The following EFR3B variants were observed in gnomAD, a reference collection of about 807,000 sequenced individuals.
The protein encoded by EFR3B is EFR3 homolog B, also known as protein EFR3 homolog B.
In EFR3B, 64 loss-of-function variants were observed where a neutral mutation model predicts 104.7. That is an observed-to-expected ratio of 0.61 (90% CI 0.50 to 0.75). The LOEUF (loss-of-function observed/expected upper bound fraction) is 0.75, where lower values mean the gene tolerates loss of function less well. EFR3B is among the 30% of genes least tolerant of loss of function. EFR3B has a pLI of 0.00. For synonymous variants in EFR3B, 385 were observed against 417.9 expected, an observed-to-expected ratio of 0.92 and a Z score of 0.96; for missense variants, 750 against 1,078.5, an observed-to-expected ratio of 0.70 and a Z score of 4.27.
In EFR3B at chr2:25,158,749, C is replaced by G. The variant is rs1350719393; in HGVS notation, c.*4409C>G. 6.6e-6 allele frequency: 1 copy of G among 152,316 alleles called. No homozygotes were observed. The highest frequency in any genetic ancestry group is 6.5e-5 in the Admixed American group (1 of 15,282). 9.4% of individuals were successfully genotyped at this position (152,316 alleles called of 1,614,324 possible). A position where few individuals can be genotyped will look rare whatever the true frequency, so the allele number is the denominator to read the frequency against. ...ACCTTCCCCTTCCAAGCTCTCCCCC[C>G]ATGACTGTTGATTTCTGGCGCGTGG... On this transcript the variant is annotated 3_prime_UTR_variant, in exon 23 of 23. Transcript: ENST00000403714.
At chr2:25,109,983 C>T (rs1310499775) in intron 4 of EFR3B, among the ~76,000 whole-genome samples, 1 of 152,176 alleles carries the variant, frequency 6.6e-6, no homozygotes, top group African/African-American at 2.4e-5. Flanking sequence ...CAAAGCGAGT[C>T]ACCCAGCAGG....
chr2:25,133,084 A>T, intron 11 of EFR3B, 70 bp downstream of exon 11: 1 of 1,375,758 alleles, frequency 7.3e-7, no homozygotes, highest in Non-Finnish European at 1.0e-6. Flanking sequence ...CCCCTCCTTT[A>T]TCCCTCTTAA....
At chr2:25,066,937 C>A (rs1668351731) in intron 1 of EFR3B, among the ~76,000 whole-genome samples, 1 of 152,176 alleles carries the variant, frequency 6.6e-6, no homozygotes, top group African/African-American at 2.4e-5. Flanking sequence ...TTAAAGACAA[C>A]TTTTGCTCAT....
At chr2:25,146,171 C>T (rs1561289) in intron 19 of EFR3B, 46,188 of 149,590 alleles carry the variant, frequency 0.31, 7,702 homozygotes, top group African/African-American at 0.41. Context: ...GACAGAAAGA[C>T]TTACATGGTC....
rs1321860417 is a variant in EFR3B at position 25,082,995 on chromosome 2, A to G, written c.8-8330A>G. Among the ~76,000 whole-genome samples, 5 of 152,220 alleles carry G rather than the reference A, an allele frequency of 3.3e-5. No homozygotes were observed. In the East Asian group the frequency reaches 5.8e-4, roughly 18 times the overall value. On this transcript the variant is annotated intron_variant, in intron 1 of 22. Coordinates refer to ENST00000403714, the MANE Select transcript of EFR3B (RefSeq NM_014971.2). ...CAGGGGGTTTGGGGCAAAATGAGCCATCGAGGGAGGTCTCACCATTCTCAT... is the reference window on the plus strand; with the variant it reads ...CAGGGGGTTTGGGGCAAAATGAGCCGTCGAGGGAGGTCTCACCATTCTCAT...
At position 25,133,043 on chromosome 2, in the gene EFR3B, GTCC is replaced by G. The variant is rs781761617; in HGVS notation, c.1259+35_1259+37del. The stretch of plus-strand genomic sequence containing the variant: ...AGCCACCAATCTCCCCCAGCCTGGA[GTCC>G]TCCTCTCCCCCAGCTGCATTTTCTG... On this transcript the variant is annotated intron_variant, in intron 11 of 22. Transcript: ENST00000403714. The G allele has an allele frequency of 4.6e-5, 70 of 1,534,304 alleles. No individual in the cohort carries two copies. In the Middle Eastern group the frequency reaches 6.7e-4, roughly 15 times the overall value.
chr2:25,058,892 C>A (rs1668102093), intron 1 of EFR3B, among the ~76,000 whole-genome samples: 1 of 151,960 alleles, frequency 6.6e-6, no homozygotes. Flanking sequence ...ATGGTGACTC[C>A]TCAGAGAGGG....
At chr2:25,127,147 G>C (rs142956326) in intron 5 of EFR3B, among the ~76,000 whole-genome samples, 2 of 130,348 alleles carry the variant, frequency 1.5e-5, no homozygotes, top group African/African-American at 6.0e-5. Context: ...AGCCAAGATC[G>C]CACCATTGCA....
At chr2:25,144,928 G>A (rs1328375520) in intron 18 of EFR3B, 32 bp from the exon 19 acceptor site, 1 of 1,546,200 alleles carries the variant, frequency 6.5e-7, no homozygotes, top group Non-Finnish European at 8.8e-7. Context: ...TGAGGGCTGG[G>A]AACTAAAGCC....
intron 19 of EFR3B, chr2:25,147,563 C>T (rs150972890): frequency 3.9e-5 from 6 of 152,350 alleles, no homozygotes; most frequent in African/African-American, 9.6e-5. Flanking sequence ...CACGCAACCA[C>T]GCCTGGATGA....
Position 25,154,198 on chromosome 2 carries a change from T to C in EFR3B, c.2349-37T>C, listed in dbSNP as rs1363120320. ...CAAGGGTGGGATCCTAAAATTCTCT[T>C]TTCATGCCTTTCTCCCCATGTGTTC... is the stretch of plus-strand genomic sequence containing the variant. On this transcript the variant is annotated intron_variant, in intron 22 of 22. Transcript: ENST00000403714. The surrounding 1 kb of genome is among the most constrained non-coding windows in gnomAD (Gnocchi z 4.1). 6.5e-7 allele frequency: 1 copy of C among 1,542,162 alleles called. No individual in the cohort carries two copies. The highest frequency in any genetic ancestry group is 1.4e-5 in the African/African-American group (1 of 72,782).
chr2:25,130,200 G>T lies in EFR3B; in HGVS notation c.770+91G>T. 1 of 1,521,822 alleles carries T rather than the reference G, an allele frequency of 6.6e-7. No homozygotes were observed. The highest frequency in any genetic ancestry group is 1.2e-5 in the South Asian group (1 of 81,842). 94.3% of individuals were successfully genotyped at this position (1,521,822 alleles called of 1,614,324 possible). A position where few individuals can be genotyped will look rare whatever the true frequency, so the allele number is the denominator to read the frequency against. On this transcript the variant is annotated intron_variant, in intron 7 of 22. Transcript: ENST00000403714. The surrounding 1 kb of genome is among the most constrained non-coding windows in gnomAD (Gnocchi z 4.6). ...TCTCCTGGCTGGCTGGGGGGAAGGG[G>T]ATATTACAGTTGTGGTGCCGCAGCC...
chr2:25,131,889 G>A lies in EFR3B; in HGVS notation c.1125G>A (p.Gln375=), dbSNP rs1670347942. 1.9e-6 allele frequency: 3 copies of A among 1,541,174 alleles called. No individual in the cohort carries two copies. The East Asian group carries it at 7.4e-5, about 38-fold the overall frequency. The change falls in exon 10 of 23, where the codon CAG becomes CAA. Residue 375 remains glutamine (Q), a synonymous_variant. Transcript: ENST00000403714. The surrounding 1 kb of genome is among the most constrained non-coding windows in gnomAD (Gnocchi z 7.6). ...IIKEHEERMF[Q]EAVIKTVGSF... is the part of the protein sequence containing the mutation. ...AGGAGCACGAGGAGCGCATGTTCCA[G>A]GAGGCCGTCATCAAGACCGTGGGTG...
In EFR3B at chr2:25,103,666, A is replaced by G; in HGVS notation, c.242A>G (p.Asp81Gly). 1 of 1,551,560 alleles carries G rather than the reference A, an allele frequency of 6.4e-7. No homozygotes were observed. Among genetic ancestry groups the G allele is most frequent in the Non-Finnish European group, 8.7e-7 (1 of 1,146,926 alleles). ...GTGTGCATTGCTATGGAGGCTTTGG[A>G]CCAGCTGCTCATGGCCTGCCACTGC... ...GYVCIAMEAL[D>G]QLLMACHCQS... Residue 81 changes from aspartate to glycine, a missense_variant, in exon 4 of 23, where the codon GAC (aspartate) becomes GGC (glycine). Coordinates refer to ENST00000403714, the MANE Select transcript of EFR3B (RefSeq NM_014971.2).
intron 1 of EFR3B, among the ~76,000 whole-genome samples, chr2:25,050,530 A>AT (rs1667838917): frequency 1.3e-5 from 2 of 152,220 alleles, no homozygotes; most frequent in Admixed American, 1.3e-4. Flanking sequence ...ATAAGCAGTT[A>AT]TTTTTAAAAA....
intron 3 of EFR3B, among the ~76,000 whole-genome samples, chr2:25,097,794 G>T (rs565769139): frequency 6.6e-6 from 1 of 152,104 alleles, no homozygotes; most frequent in African/African-American, 2.4e-5. Flanking sequence ...CCCTAGAAAC[G>T]AAGGGAGAGC....
In EFR3B at chr2:25,130,727, TC is replaced by T; in HGVS notation, c.849+99del. The T allele has an allele frequency of 8.7e-7, 1 of 1,146,594 alleles. No individual in the cohort carries two copies. The highest frequency in any genetic ancestry group is 1.3e-6 in the Non-Finnish European group (1 of 784,238). 71.0% of individuals were successfully genotyped at this position (1,146,594 alleles called of 1,614,324 possible). On this transcript the variant is annotated intron_variant, in intron 8 of 22. Coordinates refer to ENST00000403714, the MANE Select transcript of EFR3B (RefSeq NM_014971.2). The surrounding 1 kb of genome is among the most constrained non-coding windows in gnomAD (Gnocchi z 4.6). ...TAGAAAGCCAGAAGTCCCCTGTGACTCCTCCGAAGCCCCCAGTTGCCGAAAC... is the reference window on the plus strand; with the variant it reads ...TAGAAAGCCAGAAGTCCCCTGTGACTCTCCGAAGCCCCCAGTTGCCGAAAC...
At position 25,131,410 on chromosome 2, in the gene EFR3B, C is replaced by T. The variant is rs930490697; in HGVS notation, c.892C>T (p.Leu298=). The change falls in exon 9 of 23, where the codon CTG becomes TTG. Residue 298 remains leucine, a synonymous_variant. Coordinates refer to ENST00000403714, the MANE Select transcript of EFR3B (RefSeq NM_014971.2). This position sits in a 1 kb window ranked among gnomAD's most constrained non-coding sequence, Gnocchi z 7.6. ...HLVIQQLLGH[L]DANSRSAATV... ...GGTCATCCAGCAGCTCCTGGGCCAC[C>T]TGGACGCCAACAGCCGCAGCGCTGC... 1 of 1,550,812 alleles carries T rather than the reference C, an allele frequency of 6.4e-7. No individual in the cohort carries two copies. The highest frequency in any genetic ancestry group is 1.4e-5 in the African/African-American group (1 of 73,056).
intron 20 of EFR3B, among the ~76,000 whole-genome samples, chr2:25,150,521 A>G (rs1002177977): frequency 6.6e-6 from 1 of 152,140 alleles, no homozygotes; most frequent in Non-Finnish European, 1.5e-5. Context: ...AGATTTTTCT[A>G]ACTGTTGACA....
Sources: allele counts gnomAD v4.1 joint callset (sites outside exome capture counted in the v4.1 genomes callset), GRCh38; gene constraint gnomAD v4.1.1; non-coding constraint Gnocchi (gnomAD v3.1); transcripts MANE v1.5; gene names NCBI Gene and HGNC (gene_info 2026-07-23, HGNC 2026-07-21).